The following CLTA variants were observed in gnomAD, a reference collection of about 807,000 sequenced individuals.
CLTA encodes the protein clathrin, light polypeptide (Lca).
Under a neutral mutation model 26.9 loss-of-function variants are expected in CLTA, and 9 were observed. That is an observed-to-expected ratio of 0.33 (90% confidence interval 0.20 to 0.58). CLTA has a LOEUF of 0.58. Among genes scored for constraint, CLTA ranks in the 20% least tolerant of loss-of-function variants. The pLI, the probability that CLTA is intolerant of heterozygous loss-of-function variation, is 0.85. For synonymous variants in CLTA, 120 were observed against 115.5 expected, an observed-to-expected ratio of 1.04 and a Z score of -0.25; for missense variants, 278 against 294.2, an observed-to-expected ratio of 0.94 and a Z score of 0.40.
At chr9:36,210,289 G>A (rs1473463427) in intron 4 of CLTA, among the ~76,000 whole-genome samples, 1 of 152,146 alleles carries the variant, frequency 6.6e-6, no homozygotes, top group Non-Finnish European at 1.5e-5. Flanking sequence ...GCCTCTCAGG[G>A]CCTATGACCT....
In CLTA at chr9:36,200,690, T is replaced by C. The variant is rs1181345709; in HGVS notation, c.373+1594T>C. Among the ~76,000 whole-genome samples, 4 of 152,346 alleles carry C rather than the reference T, an allele frequency of 2.6e-5. No homozygotes were observed. The East Asian group carries it at 7.7e-4, about 29-fold the overall frequency. On this transcript the variant is annotated intron_variant, in intron 3 of 4. Coordinates refer to ENST00000345519, the MANE Select transcript of CLTA (RefSeq NM_001833.4). Reference sequence around the variant, plus strand: ...TCATTAGTGATTTCTTTGGTGGAAATATTCTGTATCTGTGCTGTCTCGTAT... The same window carrying C: ...TCATTAGTGATTTCTTTGGTGGAAACATTCTGTATCTGTGCTGTCTCGTAT...
rs1827244844 is a variant in CLTA, at chr9:36,199,064, GAGA to G, written c.346_348del (p.Glu116del). 2 of 1,613,672 alleles carry G rather than the reference GAGA, an allele frequency of 1.2e-6. No homozygotes were observed. Among genetic ancestry groups the G allele is most frequent in the Non-Finnish European group, 1.7e-6 (2 of 1,179,682 alleles). On this transcript the variant is annotated inframe_deletion, in exon 3 of 5. Transcript: ENST00000345519. ...GAGCCTGAAAGTATCCGTAAATGGA[GAGA>G]AGAACAAATGGAACGCTTGGAAGCC...
At chr9:36,198,682 T>TC (rs1827200194) in intron 2 of CLTA, among the ~76,000 whole-genome samples, 1 of 82,560 alleles carries the variant, frequency 1.2e-5, no homozygotes, top group African/African-American at 4.9e-5. Context: ...CCCTGTCCCG[T>TC]CCCCCCTTCC....
chr9:36,208,732 T>C (rs1827862031), intron 4 of CLTA, among the ~76,000 whole-genome samples: 1 of 152,118 alleles, frequency 6.6e-6, no homozygotes, highest in Non-Finnish European at 1.5e-5. Context: ...AACAGGAAGG[T>C]GGCGTGGCTT....
chr9:36,191,997 A>C (rs1156289263), intron 1 of CLTA, among the ~76,000 whole-genome samples: 1 of 152,178 alleles, frequency 6.6e-6, no homozygotes, highest in Non-Finnish European at 1.5e-5. Flanking sequence ...TGAATAGAGA[A>C]TGTTCTCAGC....
chr9:36,191,264 G>T lies in CLTA; in HGVS notation c.208G>T (p.Gly70Trp). 1 of 1,525,548 alleles carries T rather than the reference G, an allele frequency of 6.6e-7. No individual in the cohort carries two copies. The highest frequency in any genetic ancestry group is 1.2e-5 in the South Asian group (1 of 82,478). The allele number at this position is 1,525,548 out of a possible 1,614,324, so 94.5% of individuals were successfully genotyped here. A position where few individuals can be genotyped will look rare whatever the true frequency, so the allele number is the denominator to read the frequency against. The change falls in exon 1 of 5, where the codon GGG (glycine) becomes TGG (tryptophan). Residue 70 changes from glycine (G) to tryptophan (W), a missense_variant. Physicochemically the swap from Gly to Trp is radical, Grantham distance 184. Transcript: ENST00000345519. ...PGPQPHGEPP[G>W]GPDAVDGVMN... ...GCCCCAGCCGCACGGCGAGCCGCCGGGGGGTCCGGGTGAGAGTGCGGGCGC... is the reference window on the plus strand; with the variant it reads ...GCCCCAGCCGCACGGCGAGCCGCCGTGGGGTCCGGGTGAGAGTGCGGGCGC...
chr9:36,196,591 C>G (rs562820306), intron 1 of CLTA, among the ~76,000 whole-genome samples: 20 of 152,090 alleles, frequency 1.3e-4, no homozygotes, highest in African/African-American at 4.8e-4. Context: ...TCGAGTGATC[C>G]TCCCACCTTG....
intron 3 of CLTA, among the ~76,000 whole-genome samples, chr9:36,203,283 T>C (rs1827527178): frequency 6.6e-6 from 1 of 152,214 alleles, no homozygotes; most frequent in African/African-American, 2.4e-5. Flanking sequence ...TTTCTTGCTG[T>C]CATTTCTAGA....
intron 2 of CLTA, 37 bp from the exon 3 acceptor site, chr9:36,198,942 T>C (rs1388396777): frequency 7.0e-7 from 1 of 1,433,352 alleles, no homozygotes; most frequent in Non-Finnish European, 9.8e-7. Flanking sequence ...GAAGGAATTT[T>C]TGGTATTAAT....
At chr9:36,196,631 G>A (rs1422635750) in intron 1 of CLTA, among the ~76,000 whole-genome samples, 1 of 152,048 alleles carries the variant, frequency 6.6e-6, no homozygotes, top group African/African-American at 2.4e-5. Context: ...TTATAGGTGT[G>A]AGCCACCGCG....
At position 36,212,021 on chromosome 9, in the gene CLTA, G is replaced by A. The variant is rs1026298814; in HGVS notation, c.*247G>A. 1.2e-5 allele frequency: 8 copies of A among 649,132 alleles called. No homozygotes were observed. The highest frequency in any genetic ancestry group is 2.3e-5 in the Non-Finnish European group (8 of 355,086). The allele number at this position is 649,132 out of a possible 1,614,324, so 40.2% of individuals were successfully genotyped here. On this transcript the variant is annotated 3_prime_UTR_variant, in exon 5 of 5. Transcript: ENST00000345519. ...AAGAGTAGCCTCAACCTGTGCTTCT[G>A]TGCATTATTCTGAGAATAAATTTCT... is the stretch of plus-strand genomic sequence containing the variant.
intron 4 of CLTA, chr9:36,210,568 A>C: frequency 1.2e-6 from 2 of 1,613,326 alleles, no homozygotes; most frequent in South Asian, 2.2e-5. Flanking sequence ...GCTCATTCTC[A>C]TTTTCTATAT....
intron 1 of CLTA, among the ~76,000 whole-genome samples, chr9:36,191,546 T>A (rs1181517677): frequency 2.0e-5 from 3 of 152,164 alleles, no homozygotes; most frequent in African/African-American, 7.2e-5. Context: ...CCCGTTCAAT[T>A]CAGCAACTTT....
chr9:36,203,683 A>G (rs1336329040), intron 3 of CLTA, among the ~76,000 whole-genome samples: 1 of 152,204 alleles, frequency 6.6e-6, no homozygotes, highest in Non-Finnish European at 1.5e-5. Flanking sequence ...AATCATCTAT[A>G]ATTGTTTCTC....
intron 3 of CLTA, among the ~76,000 whole-genome samples, chr9:36,203,655 T>C (rs999879655): frequency 2.0e-5 from 3 of 152,242 alleles, no homozygotes; most frequent in East Asian, 1.9e-4. Context: ...TGAACTAATA[T>C]TGGCAGCATT....
rs757244515 is a variant in CLTA, at chr9:36,191,076, T to TCGGCGCCCCTGC, written c.32_43dup (p.Ala11_Pro14dup). The TCGGCGCCCCTGC allele has an allele frequency of 7.0e-6, 11 of 1,581,218 alleles. No homozygotes were observed. In the Middle Eastern group the frequency reaches 1.0e-3, roughly 145 times the overall value. On this transcript the variant is annotated inframe_insertion, in exon 1 of 5. Coordinates refer to ENST00000345519, the MANE Select transcript of CLTA (RefSeq NM_001833.4). Reference sequence around the variant, plus strand: ...CCCGCCATGGCTGAGCTGGATCCGTTCGGCGCCCCTGCCGGCGCCCCTGGC... The same window carrying TCGGCGCCCCTGC: ...CCCGCCATGGCTGAGCTGGATCCGTTCGGCGCCCCTGCCGGCGCCCCTGCCGGCGCCCCTGGC...
At chr9:36,209,826 G>A (rs568022981) in intron 4 of CLTA, among the ~76,000 whole-genome samples, 14 of 152,314 alleles carry the variant, frequency 9.2e-5, no homozygotes, top group East Asian at 5.8e-4. Flanking sequence ...ATGTGGGGTC[G>A]TTTGCCTCTC....
Position 36,191,238 on chromosome 9 carries a change from G to T in CLTA, c.182G>T (p.Gly61Val). The change falls in exon 1 of 5, where the codon GGG (glycine) becomes GTG (valine). Residue 61 changes from glycine to valine, a missense_variant. By Grantham distance (109) the Gly-to-Val change is moderately radical (BLOSUM62 -3). Transcript: ENST00000345519. ...AFAILDGGAP[G>V]PQPHGEPPGG... ...GCCATCCTGGACGGCGGCGCCCCCGGGCCCCAGCCGCACGGCGAGCCGCCG... is the reference window on the plus strand; with the variant it reads ...GCCATCCTGGACGGCGGCGCCCCCGTGCCCCAGCCGCACGGCGAGCCGCCG... 6.5e-7 allele frequency: 1 copy of T among 1,538,066 alleles called. No individual in the cohort carries two copies. Among genetic ancestry groups the T allele is most frequent in the East Asian group, 2.5e-5 (1 of 40,136 alleles).
At chr9:36,198,407 T>A (rs1827181157) in intron 2 of CLTA, among the ~76,000 whole-genome samples, 1 of 150,184 alleles carries the variant, frequency 6.7e-6, no homozygotes, top group Non-Finnish European at 1.5e-5. Context: ...CCGGGCACGG[T>A]GGCTCACGCC....
Sources: gnomAD v4.1 joint callset for allele counts (sites outside exome capture counted in the v4.1 genomes callset) on GRCh38, gnomAD v4.1.1 for gene constraint, MANE v1.5 for transcripts, NCBI Gene and HGNC (gene_info 2026-07-23, HGNC 2026-07-21) for gene names.